Variants in CSMD1 observed in about 807,000 individuals in gnomAD.
CSMD1 encodes CUB and Sushi multiple domains 1, also known as CUB and sushi domain-containing protein 1.
A neutral mutation model predicts 417.5 loss-of-function variants in CSMD1; 213 were observed. That is an observed-to-expected ratio of 0.51 (90% confidence interval 0.46 to 0.57). The LOEUF (loss-of-function observed/expected upper bound fraction) is 0.57. Ranked by LOEUF, CSMD1 falls within the 20% of genes least tolerant of loss-of-function variation. The pLI, the probability that CSMD1 is intolerant of heterozygous loss-of-function variation, is 0.00. For synonymous variants in CSMD1, 2,862 were observed against 1,736.8 expected, an observed-to-expected ratio of 1.65 and a Z score of -16.11; for missense variants, 6,923 against 4,529.7, an observed-to-expected ratio of 1.53 and a Z score of -15.17.
Position 3,712,396 on chromosome 8 carries a change from GAGAGACAGACAGACAGAC to G in CSMD1, c.932-3923_932-3906del, listed in dbSNP as rs762963493. On this transcript the variant is annotated intron_variant, in intron 6 of 69. Transcript: ENST00000635120. ...AACAGGAGAGAGAGAGAGAGAGAGA[GAGAGACAGACAGACAGAC>G]AGACAGACAGACAGACAGACAGACA... is the stretch of plus-strand genomic sequence containing the variant. 4.4e-3 allele frequency among the ~76,000 whole-genome samples: 284 copies of G among 63,938 alleles called. 2 individuals carry two copies. The highest frequency in any genetic ancestry group is 0.023 in the East Asian group (57 of 2,486). 41.9% of individuals were successfully genotyped at this position (63,938 alleles called of 152,430 possible). A position where few individuals can be genotyped will look rare whatever the true frequency, so the allele number is the denominator to read the frequency against.
In CSMD1 at chr8:3,519,929, C is replaced by T. The variant is rs181151499; in HGVS notation, c.1345-26203G>A. ...TTCTACAGTAGTTTACTTTTATAAACTCAACGCTAATATAATTTCGCTGAA... is the reference window on the plus strand; with the variant it reads ...TTCTACAGTAGTTTACTTTTATAAATTCAACGCTAATATAATTTCGCTGAA... On this transcript the variant is annotated intron_variant, in intron 10 of 69. Coordinates refer to ENST00000635120, the MANE Select transcript of CSMD1 (RefSeq NM_033225.6). 1.7e-3 allele frequency among the ~76,000 whole-genome samples: 258 copies of T among 151,632 alleles called. 1 individual carries two copies. The highest frequency in any genetic ancestry group is 4.2e-3 in the Admixed American group (64 of 15,216).
chr8:4,828,206 G>A (rs116954831), intron 1 of CSMD1, among the ~76,000 whole-genome samples: 137 of 152,234 alleles, frequency 9.0e-4, no homozygotes, highest in Non-Finnish European at 1.6e-3. Flanking sequence ...CAGCACTATT[G>A]TCACTTAATA....
chr8:4,427,971 C>G (rs1390604297), intron 2 of CSMD1, among the ~76,000 whole-genome samples: 2 of 152,186 alleles, frequency 1.3e-5, no homozygotes, highest in Non-Finnish European at 2.9e-5. Flanking sequence ...TGACTCCTTG[C>G]TGTGACACCT....
At chr8:4,761,878 T>TCTATCTAC in intron 1 of CSMD1, among the ~76,000 whole-genome samples, 1 of 108,450 alleles carries the variant, frequency 9.2e-6, no homozygotes, top group Middle Eastern at 4.6e-3. Context: ...TATCTATCTA[T>TCTATCTAC]CTATCTATCT....
At chr8:4,062,410 T>C (rs1011904666) in intron 3 of CSMD1, among the ~76,000 whole-genome samples, 3 of 152,120 alleles carry the variant, frequency 2.0e-5, no homozygotes, top group African/African-American at 7.2e-5. Context: ...CAATCGGTTG[T>C]ACATACGTAT....
intron 25 of CSMD1, among the ~76,000 whole-genome samples, chr8:3,293,575 T>C (rs956346783): frequency 6.6e-6 from 1 of 152,202 alleles, no homozygotes; most frequent in Non-Finnish European, 1.5e-5. Flanking sequence ...ATTTCATTCA[T>C]TTCATCTTCC....
intron 5 of CSMD1, among the ~76,000 whole-genome samples, chr8:3,863,771 C>G (rs1263373020): frequency 6.6e-6 from 1 of 152,048 alleles, no homozygotes; most frequent in Non-Finnish European, 1.5e-5. Flanking sequence ...AGAGAATTTT[C>G]TACTAGTTTT....
chr8:4,321,538 A>G (rs944714311), intron 3 of CSMD1, among the ~76,000 whole-genome samples: 3 of 152,166 alleles, frequency 2.0e-5, no homozygotes, highest in Non-Finnish European at 4.4e-5. Flanking sequence ...AGGGATGAGT[A>G]TCTGGTATAT....
chr8:4,221,163 C>T (rs1377462301), intron 3 of CSMD1, among the ~76,000 whole-genome samples: 4 of 152,258 alleles, frequency 2.6e-5, no homozygotes, highest in African/African-American at 9.6e-5. Context: ...ACTGAAGCTC[C>T]ATCCGTGATT....
intron 5 of CSMD1, among the ~76,000 whole-genome samples, chr8:3,868,864 G>A (rs1198254214): frequency 6.6e-6 from 1 of 152,144 alleles, no homozygotes; most frequent in African/African-American, 2.4e-5. Context: ...AGGCTGGACT[G>A]TTACCATCGT....
chr8:4,432,609 A>G (rs1468623777), intron 2 of CSMD1, among the ~76,000 whole-genome samples: 1 of 152,130 alleles, frequency 6.6e-6, no homozygotes, highest in Non-Finnish European at 1.5e-5. Context: ...CAGGTGAGGA[A>G]ACGAAGCCTC....
intron 7 of CSMD1, among the ~76,000 whole-genome samples, chr8:3,625,695 G>C (rs538609027): frequency 6.6e-6 from 1 of 152,036 alleles, no homozygotes; most frequent in South Asian, 2.1e-4. Flanking sequence ...AAACGATTTG[G>C]CATTCCTAAA....
intron 3 of CSMD1, among the ~76,000 whole-genome samples, chr8:4,181,560 C>T (rs1442109026): frequency 2.0e-5 from 3 of 152,118 alleles, no homozygotes; most frequent in Non-Finnish European, 4.4e-5. Context: ...TGTTTGGCCA[C>T]ATGCAAAGCC....
At chr8:3,648,710 G>T (rs1397146293) in intron 7 of CSMD1, among the ~76,000 whole-genome samples, 8 of 152,280 alleles carry the variant, frequency 5.3e-5, no homozygotes. Flanking sequence ...AAAAGTGCCT[G>T]ATCATTTACA....
At chr8:4,625,941 C>G (rs376200337) in intron 2 of CSMD1, among the ~76,000 whole-genome samples, 78 of 152,114 alleles carry the variant, frequency 5.1e-4, no homozygotes, top group African/African-American at 1.9e-3. Context: ...CCAGGCTGGT[C>G]TCGAACTCCT....
intron 23 of CSMD1, among the ~76,000 whole-genome samples, chr8:3,310,368 G>A (rs1051646800): frequency 1.1e-4 from 16 of 152,190 alleles, no homozygotes; most frequent in African/African-American, 3.6e-4. Flanking sequence ...GGAAGTGACA[G>A]CATCTGAACA....
intron 54 of CSMD1, among the ~76,000 whole-genome samples, chr8:2,992,844 C>T (rs1402194954): frequency 6.6e-6 from 1 of 152,078 alleles, no homozygotes; most frequent in African/African-American, 2.4e-5. Context: ...CTCAAGGGAT[C>T]CTCCCTTCTC....
At chr8:4,164,555 C>T (rs910186531) in intron 3 of CSMD1, among the ~76,000 whole-genome samples, 1 of 152,112 alleles carries the variant, frequency 6.6e-6, no homozygotes, top group African/African-American at 2.4e-5. Context: ...TATAAGCCAC[C>T]AAGCCCCGCC....
intron 7 of CSMD1, among the ~76,000 whole-genome samples, chr8:3,678,603 A>C (rs925251405): frequency 5.3e-5 from 8 of 152,198 alleles, no homozygotes; most frequent in Admixed American, 3.9e-4. Flanking sequence ...AACAAGTTGG[A>C]AAACACTCTG....
Sources: allele counts gnomAD v4.1 joint callset (sites outside exome capture counted in the v4.1 genomes callset), GRCh38; gene constraint gnomAD v4.1.1; transcripts MANE v1.5; gene names NCBI Gene and HGNC (gene_info 2026-07-23, HGNC 2026-07-21).